COL3A1: variants seen among roughly 807,000 people sequenced by gnomAD.
COL3A1 encodes the protein collagen type III alpha 1 chain.
A neutral mutation model predicts 200.9 loss-of-function variants in COL3A1; 46 were observed. The observed-to-expected ratio is 0.23, with a 90% CI of 0.18 to 0.29. COL3A1 has a LOEUF of 0.29. Among genes scored for constraint, COL3A1 ranks in the 10% least tolerant of loss-of-function variants. The pLI, the probability that COL3A1 is intolerant of heterozygous loss-of-function variation, is 1.00. For synonymous variants in COL3A1, 650 were observed against 628.0 expected (o/e 1.03, Z -0.52); for missense variants, 1,367 against 1,917.6 (o/e 0.71, Z 5.36).
At position 188,994,818 on chromosome 2, in the gene COL3A1, CT is replaced by C. The variant is rs1404410454; in HGVS notation, c.1443del (p.Ala482GlnfsTer54). 1 of 1,613,224 alleles carries C rather than the reference CT, an allele frequency of 6.2e-7. No homozygotes were observed. The highest frequency in any genetic ancestry group is 2.2e-5 in the East Asian group (1 of 44,868). On this transcript the variant is annotated frameshift_variant, in exon 20 of 51. Transcript: ENST00000304636. LOFTEE classifies it high-confidence loss of function. This position sits in a 1 kb window ranked among gnomAD's most constrained non-coding sequence, Gnocchi z 4.5. ...GEPGANGLPG[A>X]AGERGAPGFR... ...CCTGGTGCAAATGGGCTTCCAGGAG[CT>C]GCAGGAGAAAGGGTACGTTTTCCAT...
intron 35 of COL3A1, 29 bp downstream of exon 35, chr2:189,002,380 C>T: frequency 6.3e-7 from 1 of 1,599,270 alleles, no homozygotes; most frequent in Non-Finnish European, 8.6e-7. Flanking sequence ...ACATACATGT[C>T]CCATAGCCCA....
intron 35 of COL3A1, 148 bp downstream of exon 35, chr2:189,002,499 T>A (rs1193890018): frequency 1.6e-5 from 12 of 730,800 alleles, no homozygotes; most frequent in African/African-American, 3.5e-5. Context: ...TTTGTTTTAC[T>A]TTACCCCTAT....
chr2:188,998,050 G>T (rs770809165), intron 27 of COL3A1, among the ~76,000 whole-genome samples: 2 of 152,058 alleles, frequency 1.3e-5, no homozygotes, highest in Admixed American at 1.3e-4. Flanking sequence ...ACATTTTTAC[G>T]TGTAGCAATT....
chr2:188,977,253 A>T (rs79032054), intron 1 of COL3A1, among the ~76,000 whole-genome samples: 4,914 of 152,208 alleles, frequency 0.032, 305 homozygotes, highest in African/African-American at 0.11. Flanking sequence ...CCATTAGGGC[A>T]GAAACAGAAA....
At position 188,985,656 on chromosome 2, in the gene COL3A1, C is replaced by G; in HGVS notation, c.334-9C>G. 1 of 1,587,032 alleles carries G rather than the reference C, an allele frequency of 6.3e-7. No homozygotes were observed. Among genetic ancestry groups the G allele is most frequent in the Non-Finnish European group, 8.6e-7 (1 of 1,159,538 alleles). On this transcript the variant is annotated splice_polypyrimidine_tract_variant and intron_variant, in intron 3 of 50. Coordinates refer to ENST00000304636, the MANE Select transcript of COL3A1 (RefSeq NM_000090.4). ...TTCACTATTTAATTTATTTTTATCT[C>G]TTTTTTAGGGCCCTCCTGGTATTCC...
At chr2:188,990,446 C>A in intron 10 of COL3A1, 86 bp downstream of exon 10, 4 of 1,013,456 alleles carry the variant, frequency 3.9e-6, no homozygotes, top group South Asian at 1.4e-5. Flanking sequence ...AATTATGTGC[C>A]AAAAAATATG....
intron 39 of COL3A1, 34 bp from the exon 40 acceptor site, chr2:189,004,223 T>A: frequency 6.2e-7 from 1 of 1,602,618 alleles, no homozygotes; most frequent in South Asian, 1.1e-5. Context: ...CACTGTCACA[T>A]AAAGATGAGC....
chr2:189,006,559 C>A, intron 43 of COL3A1, 107 bp downstream of exon 43: 1 of 1,075,610 alleles, frequency 9.3e-7, no homozygotes, highest in Non-Finnish European at 1.4e-6. Context: ...TATCCACTGT[C>A]ATTTGTTTTA....
chr2:188,992,375 C>T, intron 14 of COL3A1, 147 bp downstream of exon 14: 3 of 734,826 alleles, frequency 4.1e-6, no homozygotes, highest in South Asian at 3.9e-5. Context: ...TCTCTGTTGA[C>T]CATTTTTACA....
intron 48 of COL3A1, among the ~76,000 whole-genome samples, chr2:189,009,692 C>A (rs1338923333): frequency 6.6e-6 from 1 of 152,064 alleles, no homozygotes; most frequent in Non-Finnish European, 1.5e-5. Context: ...TTAAATATTT[C>A]TGAAAAGCAA....
Position 189,009,140 on chromosome 2 carries a change from C to G in COL3A1, c.3742C>G (p.Leu1248Val), listed in dbSNP as rs1364040792. The change falls in exon 48 of 51, where the codon CTC (leucine) becomes GTC (valine). Residue 1248 changes from leucine to valine, a missense_variant. Physicochemically the swap from Leu to Val is conservative, Grantham distance 32. Coordinates refer to ENST00000304636, the MANE Select transcript of COL3A1 (RefSeq NM_000090.4). Reference protein sequence around the residue: ...LKSVNGQIESLISPDGSRKNP... With the variant: ...LKSVNGQIESVISPDGSRKNP... ...GTCTGTTAATGGACAAATAGAAAGCCTCATTAGTCCTGATGGTTCTCGTAA... is the reference window on the plus strand; with the variant it reads ...GTCTGTTAATGGACAAATAGAAAGCGTCATTAGTCCTGATGGTTCTCGTAA... 1 of 1,614,170 alleles carries G rather than the reference C, an allele frequency of 6.2e-7. No individual in the cohort carries two copies. Among genetic ancestry groups the G allele is most frequent in the Non-Finnish European group, 8.5e-7 (1 of 1,180,022 alleles).
chr2:188,992,894 C>A lies in COL3A1; in HGVS notation c.1004C>A (p.Pro335His), dbSNP rs1688217356. 3 of 1,613,844 alleles carry A rather than the reference C, an allele frequency of 1.9e-6. No individual in the cohort carries two copies. Among genetic ancestry groups the A allele is most frequent in the Non-Finnish European group, 2.5e-6 (3 of 1,179,914 alleles). The change falls in exon 15 of 51, where the codon CCT (proline) becomes CAT (histidine). Residue 335 changes from proline (P) to histidine (H), a missense_variant. Coordinates refer to ENST00000304636, the MANE Select transcript of COL3A1 (RefSeq NM_000090.4). ...ARGSDGQPGP[P>H]GPPGTAGFPG... Reference sequence around the variant, plus strand: ...TGTATTTAATTTTTTCAGGGCCCTCCTGGTCCTCCTGGAACTGCCGGATTC... The same window carrying A: ...TGTATTTAATTTTTTCAGGGCCCTCATGGTCCTCCTGGAACTGCCGGATTC...
At position 189,003,401 on chromosome 2, in the gene COL3A1, T is replaced by C. The variant is rs1443852451; in HGVS notation, c.2554-10T>C. On this transcript the variant is annotated splice_polypyrimidine_tract_variant and intron_variant, in intron 36 of 50. Coordinates refer to ENST00000304636, the MANE Select transcript of COL3A1 (RefSeq NM_000090.4). ...GCTATTCTTACATAATTTCCTTCCATTTCATATAGGGTCCTCCTGGTCCCC... is the reference window on the plus strand; with the variant it reads ...GCTATTCTTACATAATTTCCTTCCACTTCATATAGGGTCCTCCTGGTCCCC... 6.2e-7 allele frequency: 1 copy of C among 1,613,498 alleles called. No individual in the cohort carries two copies. The highest frequency in any genetic ancestry group is 8.5e-7 in the Non-Finnish European group (1 of 1,179,554).
At chr2:189,008,883 G>A (rs1178161370) in intron 47 of COL3A1, 41 bp from the exon 48 acceptor site, 2 of 1,596,240 alleles carry the variant, frequency 1.3e-6, no homozygotes, top group Non-Finnish European at 1.7e-6. Flanking sequence ...AGTGGCGACT[G>A]AATGTGCATA....
In COL3A1 at chr2:188,994,443, C is replaced by T. The variant is rs1364572454; in HGVS notation, c.1294-98C>T. 1.3e-6 allele frequency: 2 copies of T among 1,566,040 alleles called. No individual in the cohort carries two copies. Among genetic ancestry groups the T allele is most frequent in the Non-Finnish European group, 1.8e-6 (2 of 1,137,834 alleles). On this transcript the variant is annotated intron_variant, in intron 18 of 50. Coordinates refer to ENST00000304636, the MANE Select transcript of COL3A1 (RefSeq NM_000090.4). This position sits in a 1 kb window ranked among gnomAD's most constrained non-coding sequence, Gnocchi z 4.5. ...TTCAGTTGAATTTATATTGACTTCACTCTTGTCTTATAACTTATAACTGAA... is the reference window on the plus strand; with the variant it reads ...TTCAGTTGAATTTATATTGACTTCATTCTTGTCTTATAACTTATAACTGAA...
chr2:188,995,622 C>A (rs1456830682), intron 21 of COL3A1, 70 bp from the exon 22 acceptor site: 18 of 1,094,452 alleles, frequency 1.6e-5, no homozygotes, highest in Non-Finnish European at 2.4e-5. Context: ...CTCTTTGTAA[C>A]CAAAATATTG....
In COL3A1 at chr2:188,994,600, T is replaced by C. The variant is rs373343032; in HGVS notation, c.1347+6T>C. 30 of 1,613,994 alleles carry C rather than the reference T, an allele frequency of 1.9e-5. No homozygotes were observed. In the African/African-American group the frequency reaches 3.5e-4, roughly 19 times the overall value. ...CCGGACCACGTGGTGAACGCGTAAG[T>C]TTTACTGCAACAGATCTGGTTATTT... On this transcript the variant is annotated splice_donor_region_variant and intron_variant, in intron 19 of 50. Transcript: ENST00000304636. This position sits in a 1 kb window ranked among gnomAD's most constrained non-coding sequence, Gnocchi z 4.5.
intron 30 of COL3A1, 24 bp downstream of exon 30, chr2:188,999,407 C>G (rs893900327): frequency 1.9e-6 from 3 of 1,613,754 alleles, no homozygotes; most frequent in Non-Finnish European, 2.5e-6. Flanking sequence ...ATTCCATTCA[C>G]CTAGGTTTAA....
chr2:188,997,625 G>T lies in COL3A1; in HGVS notation c.1870-75G>T. The T allele has an allele frequency of 2.1e-6, 3 of 1,445,344 alleles. No individual in the cohort carries two copies. The East Asian group carries it at 6.9e-5, about 33-fold the overall frequency. 89.5% of individuals were successfully genotyped at this position (1,445,344 alleles called of 1,614,324 possible). Reference sequence around the variant, plus strand: ...TCACTACTTTTATAATTAAGCAACAGGCCTGTTGAAATGGATACTGTAGAC... The same window carrying T: ...TCACTACTTTTATAATTAAGCAACATGCCTGTTGAAATGGATACTGTAGAC... On this transcript the variant is annotated intron_variant, in intron 26 of 50. Transcript: ENST00000304636.
Sources: gnomAD v4.1 joint callset for allele counts (sites outside exome capture counted in the v4.1 genomes callset) on GRCh38, gnomAD v4.1.1 for gene constraint, Gnocchi (gnomAD v3.1) non-coding constraint, MANE v1.5 for transcripts, NCBI Gene and HGNC (gene_info 2026-07-23, HGNC 2026-07-21) for gene names.